The following BTG4 variants were observed in gnomAD, a reference collection of about 807,000 sequenced individuals.
BTG4 encodes BTG anti-proliferation factor 4, also known as protein BTG4.
In BTG4, 10 loss-of-function variants were observed where a neutral mutation model predicts 19.3. The ratio of observed to expected loss-of-function variants is 0.52; its 90% CI spans 0.32 to 0.88. The LOEUF (loss-of-function observed/expected upper bound fraction) is 0.88. Among genes scored for constraint, BTG4 ranks in the 40% least tolerant of loss-of-function variants. The pLI, the probability that BTG4 is intolerant of heterozygous loss-of-function variation, is 0.04. For synonymous variants in BTG4, 91 were observed against 95.7 expected (o/e 0.95, Z 0.29); for missense variants, 238 against 281.9 (o/e 0.84, Z 1.11).
intron 1 of BTG4, among the ~76,000 whole-genome samples, chr11:111,499,335 G>A (rs758500029): frequency 6.6e-6 from 1 of 152,296 alleles, no homozygotes; most frequent in Non-Finnish European, 1.5e-5. Context: ...ACACCTGTTC[G>A]TGAGTTCGAG....
chr11:111,510,029 A>G (rs952463473), intron 1 of BTG4, among the ~76,000 whole-genome samples: 24 of 148,142 alleles, frequency 1.6e-4, no homozygotes, highest in Non-Finnish European at 3.0e-4. Context: ...CTCCCACCTC[A>G]GCCTTCCAAG....
chr11:111,467,749 C>T (rs541777980), intron 5 of BTG4: 15 of 734,540 alleles, frequency 2.0e-5, no homozygotes, highest in African/African-American at 2.0e-4. Flanking sequence ...AAAATCCTGA[C>T]ATATTTTATT....
At chr11:111,434,638 T>C in the BTG4 span, among the ~76,000 whole-genome samples, 1 of 150,946 alleles carries the variant, frequency 6.6e-6, no homozygotes, top group Non-Finnish European at 1.5e-5. Context: ...AGTGAGATAA[T>C]ACATATCAAG....
intron 1 of BTG4, among the ~76,000 whole-genome samples, chr11:111,511,897 TA>T (rs1866955678): frequency 6.6e-6 from 1 of 152,328 alleles, no homozygotes; most frequent in East Asian, 1.9e-4. Flanking sequence ...TCTACTATTC[TA>T]AATAGTCCCT....
downstream of BTG4, chr11:111,462,905 C>T (rs906870556): frequency 6.5e-6 from 1 of 152,714 alleles, no homozygotes; most frequent in African/African-American, 2.4e-5. Context: ...AGCACATCCT[C>T]CCACATCATC....
intron 5 of BTG4, chr11:111,475,462 G>A (rs1864347388): frequency 6.7e-6 from 1 of 149,540 alleles, no homozygotes; most frequent in Non-Finnish European, 1.5e-5. Context: ...CAAAGTAGAT[G>A]GATATATATA....
At chr11:111,463,947 C>CTT (rs1048476404), downstream of BTG4, among the ~76,000 whole-genome samples, 1 of 152,206 alleles carries the variant, frequency 6.6e-6, no homozygotes, top group Non-Finnish European at 1.5e-5. Flanking sequence ...TGGCAGCTGG[C>CTT]TTCTCTCAGA....
intron 4 of BTG4, 49 bp downstream of exon 4, chr11:111,497,162 T>C: frequency 6.6e-7 from 1 of 1,513,438 alleles, no homozygotes; most frequent in Non-Finnish European, 9.0e-7. Flanking sequence ...GCATTCTTTT[T>C]AGAATTAGAT....
the BTG4 span, among the ~76,000 whole-genome samples, chr11:111,403,230 C>T: frequency 1.3e-5 from 2 of 152,164 alleles, no homozygotes; most frequent in African/African-American, 2.4e-5. Flanking sequence ...AGATGAAACA[C>T]AATTGTGTAC....
At chr11:111,507,004 A>G (rs1373211231) in intron 1 of BTG4, among the ~76,000 whole-genome samples, 1 of 152,114 alleles carries the variant, frequency 6.6e-6, no homozygotes, top group Admixed American at 6.5e-5. Context: ...TATTCTATGA[A>G]TATAGAGGAA....
the BTG4 span, chr11:111,384,667 T>C: frequency 6.6e-6 from 1 of 152,164 alleles, no homozygotes; most frequent in African/African-American, 2.4e-5. Flanking sequence ...AAAATTGCTC[T>C]TAGAGAAAGC....
the BTG4 span, among the ~76,000 whole-genome samples, chr11:111,434,419 G>C: frequency 2.0e-5 from 3 of 152,148 alleles, no homozygotes; most frequent in Non-Finnish European, 2.9e-5. Context: ...CTCGGGGAGG[G>C]ATAGCGTTGG....
At chr11:111,466,887 C>T (rs1863751065), downstream of BTG4, 1 of 152,622 alleles carries the variant, frequency 6.6e-6, no homozygotes, top group Admixed American at 6.5e-5. Flanking sequence ...CCCCCAGCTT[C>T]ATGTAAGTCT....
chr11:111,472,687 T>C (rs926829316), intron 5 of BTG4, among the ~76,000 whole-genome samples: 1 of 152,222 alleles, frequency 6.6e-6, no homozygotes, highest in Non-Finnish European at 1.5e-5. Flanking sequence ...TCTTAAGTTT[T>C]CCTATATCCT....
chr11:111,411,261 T>A, the BTG4 span, among the ~76,000 whole-genome samples: 1 of 152,258 alleles, frequency 6.6e-6, no homozygotes, highest in East Asian at 1.9e-4. Context: ...CTCCTGTTCA[T>A]CCTGCTCCTG....
chr11:111,464,007 C>A (rs779121181), downstream of BTG4, among the ~76,000 whole-genome samples: 19 of 152,080 alleles, frequency 1.2e-4, no homozygotes, highest in Non-Finnish European at 2.4e-4. Flanking sequence ...AAGCCAACGT[C>A]TTTTTTTGAG....
chr11:111,412,039 A>G, the BTG4 span, among the ~76,000 whole-genome samples: 1 of 152,230 alleles, frequency 6.6e-6, no homozygotes, highest in Non-Finnish European at 1.5e-5. Context: ...ACGGTGTCAA[A>G]TCAGGTCAGC....
chr11:111,442,450 A>C, the BTG4 span, among the ~76,000 whole-genome samples: 1 of 151,546 alleles, frequency 6.6e-6, no homozygotes, highest in African/African-American at 2.4e-5. Context: ...GCAGTGAGCC[A>C]AGATCGAGTC....
the BTG4 span, among the ~76,000 whole-genome samples, chr11:111,406,532 G>T: frequency 6.6e-6 from 1 of 152,132 alleles, no homozygotes. Flanking sequence ...AATCATCTTT[G>T]TCATCATTTT....
Sources: allele counts gnomAD v4.1 joint callset (sites outside exome capture counted in the v4.1 genomes callset), GRCh38; gene constraint gnomAD v4.1.1; transcripts MANE v1.5; gene names NCBI Gene and HGNC (gene_info 2026-07-23, HGNC 2026-07-21).